Variants in RAC1 observed in about 807,000 individuals in gnomAD.
The protein encoded by RAC1 is ras-related C3 botulinum toxin substrate 1.
In RAC1, 2 loss-of-function variants were observed where a neutral mutation model predicts 25.2. The ratio of observed to expected loss-of-function variants is 0.08; its 90% CI spans 0.03 to 0.25. RAC1 has a LOEUF of 0.25. Among genes scored for constraint, RAC1 ranks in the 10% least tolerant of loss-of-function variants. The pLI, the probability that RAC1 is intolerant of heterozygous loss-of-function variation, is 1.00. For missense variants in RAC1, 50 were observed against 235.7 expected (o/e 0.21, Z 5.16); for synonymous variants, 88 against 94.0 (o/e 0.94, Z 0.37).
intron 3 of RAC1, among the ~76,000 whole-genome samples, chr7:6,392,871 T>C (rs1262684223): frequency 6.6e-6 from 1 of 152,254 alleles, no homozygotes; most frequent in Non-Finnish European, 1.5e-5. Flanking sequence ...CTCTCTCCAG[T>C]CTTTGCCTGT....
chr7:6,402,076 T>C (rs373733341), intron 5 of RAC1, 49 bp downstream of exon 5: 1 of 1,577,472 alleles, frequency 6.3e-7, no homozygotes, highest in Admixed American at 1.7e-5. Flanking sequence ...TTTATTGTAG[T>C]GACAGAGACT....
At chr7:6,398,201 G>C (rs1185343437) in intron 3 of RAC1, among the ~76,000 whole-genome samples, 3 of 105,820 alleles carry the variant, frequency 2.8e-5, no homozygotes, top group Admixed American at 2.0e-4. Context: ...GCTATGTTCT[G>C]GGAGAGCCCT....
At chr7:6,394,980 A>G (rs1171207176) in intron 3 of RAC1, among the ~76,000 whole-genome samples, 4 of 152,098 alleles carry the variant, frequency 2.6e-5, no homozygotes, top group South Asian at 2.1e-4. Flanking sequence ...TCAGCCTCCC[A>G]AGTAGCTGGG....
At chr7:6,378,362 A>G (rs1198246691) in intron 1 of RAC1, among the ~76,000 whole-genome samples, 2 of 152,162 alleles carry the variant, frequency 1.3e-5, no homozygotes, top group South Asian at 2.1e-4. Flanking sequence ...CCTGGCCAAC[A>G]TGGCAAAACC....
chr7:6,398,284 C>T (rs1783302953), intron 3 of RAC1, among the ~76,000 whole-genome samples: 1 of 152,146 alleles, frequency 6.6e-6, no homozygotes, highest in Non-Finnish European at 1.5e-5. Context: ...TCTGAGAACT[C>T]GGATGGAGCA....
chr7:6,375,829 C>A (rs1470113828), intron 1 of RAC1: 1 of 152,016 alleles, frequency 6.6e-6, no homozygotes, highest in Non-Finnish European at 1.5e-5. Flanking sequence ...GAAGACAAAA[C>A]TTGTCTTATG....
chr7:6,400,075 C>G (rs777028630), intron 3 of RAC1, 51 bp from the exon 4 acceptor site: 1 of 1,504,436 alleles, frequency 6.6e-7, no homozygotes, highest in East Asian at 2.3e-5. Flanking sequence ...AAAGTGCATG[C>G]TTCATTCTAA....
chr7:6,399,729 T>C (rs535545425), intron 3 of RAC1: 2 of 165,274 alleles, frequency 1.2e-5, no homozygotes, highest in East Asian at 1.7e-4. Context: ...AGCAGTTTAA[T>C]TGGAACCAGT....
chr7:6,379,268 ATTTT>A (rs768891793), intron 1 of RAC1, among the ~76,000 whole-genome samples: 1 of 105,780 alleles, frequency 9.5e-6, no homozygotes. Flanking sequence ...TGCCGAGGTA[ATTTT>A]TTTTTTTTTT....
At chr7:6,383,782 A>ATCTTTT in intron 1 of RAC1, among the ~76,000 whole-genome samples, 1 of 50,288 alleles carries the variant, frequency 2.0e-5, no homozygotes, top group Non-Finnish European at 4.1e-5. Context: ...CACAACCTTT[A>ATCTTTT]TCTTTTTTTT....
intron 3 of RAC1, among the ~76,000 whole-genome samples, chr7:6,392,281 T>C (rs1378462244): frequency 1.3e-5 from 2 of 152,170 alleles, no homozygotes; most frequent in African/African-American, 2.4e-5. Context: ...CATTTAGCTT[T>C]AGAATAACCG....
intron 1 of RAC1, among the ~76,000 whole-genome samples, chr7:6,377,414 C>T (rs1171497951): frequency 2.0e-5 from 3 of 151,764 alleles, no homozygotes; most frequent in African/African-American, 4.8e-5. Flanking sequence ...GGCAACATGG[C>T]GAGACCCTGT....
chr7:6,387,309 C>G, intron 2 of RAC1, 26 bp downstream of exon 2: 2 of 1,470,716 alleles, frequency 1.4e-6, no homozygotes, highest in East Asian at 2.4e-5. Context: ...TGGGAATTAA[C>G]CTGTTTGTGT....
At chr7:6,396,358 A>G (rs867302327) in intron 3 of RAC1, among the ~76,000 whole-genome samples, 2 of 151,992 alleles carry the variant, frequency 1.3e-5, no homozygotes, top group South Asian at 4.2e-4. Flanking sequence ...GGCCGGGAGG[A>G]GGGGATGCTA....
chr7:6,377,208 T>TTC (rs1554262636), intron 1 of RAC1, among the ~76,000 whole-genome samples: 17 of 149,702 alleles, frequency 1.1e-4, no homozygotes, highest in African/African-American at 3.9e-4. Flanking sequence ...CTGTTTTTTT[T>TTC]TTTTAATTAG....
chr7:6,394,210 T>C (rs1042786625), intron 3 of RAC1, among the ~76,000 whole-genome samples: 2 of 152,202 alleles, frequency 1.3e-5, no homozygotes, highest in Admixed American at 1.3e-4. Context: ...TCCTCTCTAT[T>C]GGGCAGCTCT....
intron 2 of RAC1, among the ~76,000 whole-genome samples, chr7:6,391,262 A>G (rs557715725): frequency 6.6e-6 from 1 of 151,036 alleles, no homozygotes; most frequent in East Asian, 1.9e-4. Flanking sequence ...CAGAGGAAAC[A>G]CTATTTTCTT....
At chr7:6,391,565 A>T in intron 2 of RAC1, 2 of 264,834 alleles carry the variant, frequency 7.6e-6, no homozygotes, top group South Asian at 9.9e-5. Flanking sequence ...ACATAAGTAC[A>T]TGAAAAACCC....
chr7:6,389,586 A>G (rs1783027284), intron 2 of RAC1, among the ~76,000 whole-genome samples: 1 of 152,022 alleles, frequency 6.6e-6, no homozygotes, highest in African/African-American at 2.4e-5. Context: ...AGGCTGAGGC[A>G]GGAGGATTGC....
Sources: allele counts gnomAD v4.1 joint callset (sites outside exome capture counted in the v4.1 genomes callset), GRCh38; gene constraint gnomAD v4.1.1; transcripts MANE v1.5; gene names NCBI Gene and HGNC (gene_info 2026-07-23, HGNC 2026-07-21).